The following SLCO1B3 variants were observed in gnomAD, a reference collection of about 807,000 sequenced individuals.
SLCO1B3 encodes solute carrier organic anion transporter family member 1B3.
In SLCO1B3, 72 loss-of-function variants were observed where a neutral mutation model predicts 71.8. The observed-to-expected ratio is 1.00, with a 90% CI of 0.83 to 1.22. SLCO1B3 has a LOEUF of 1.22. SLCO1B3 is among the 50% of genes most tolerant of loss of function. The pLI is 0.00. For missense variants in SLCO1B3, 911 were observed against 819.7 expected (o/e 1.11, Z -1.36); for synonymous variants, 298 against 278.4 (o/e 1.07, Z -0.70).
chr12:20,837,771 A>T (rs1591753571), intron 3 of SLCO1B3, among the ~76,000 whole-genome samples: 1 of 152,188 alleles, frequency 6.6e-6, no homozygotes, highest in African/African-American at 2.4e-5. Flanking sequence ...GAGCTTAAGA[A>T]TGTCTATTCT....
intron 13 of SLCO1B3, among the ~76,000 whole-genome samples, chr12:20,885,930 G>C (rs1309697184): frequency 2.0e-5 from 3 of 152,114 alleles, no homozygotes; most frequent in Admixed American, 2.0e-4. Context: ...TGTGTTTTTG[G>C]AAGACAAGAA....
chr12:20,872,480 A>G (rs1259503464), intron 8 of SLCO1B3, among the ~76,000 whole-genome samples: 1 of 151,892 alleles, frequency 6.6e-6, no homozygotes, highest in Admixed American at 6.6e-5. Context: ...TTTTTCCACC[A>G]CTTCTCTTAA....
In SLCO1B3 at chr12:20,830,230, G is replaced by A. The variant is rs552929367; in HGVS notation, c.84+14408G>A. Reference sequence around the variant, plus strand: ...ATCTCCACTAAGAGTCCTTCCCTTGGTCACCAATTTACAAATTTGTAAATC... The same window carrying A: ...ATCTCCACTAAGAGTCCTTCCCTTGATCACCAATTTACAAATTTGTAAATC... On this transcript the variant is annotated intron_variant, in intron 3 of 15. Coordinates refer to ENST00000381545, the MANE Select transcript of SLCO1B3 (RefSeq NM_019844.4). 2.0e-5 allele frequency among the ~76,000 whole-genome samples: 3 copies of A among 152,218 alleles called. No homozygotes were observed. The South Asian group carries it at 6.2e-4, about 32-fold the overall frequency.
chr12:20,856,723 C>T (rs1865147317), intron 4 of SLCO1B3, among the ~76,000 whole-genome samples: 1 of 152,128 alleles, frequency 6.6e-6, no homozygotes, highest in Non-Finnish European at 1.5e-5. Context: ...CCACATCCGG[C>T]TAATTTTCGT....
intron 15 of SLCO1B3, among the ~76,000 whole-genome samples, chr12:20,904,869 G>A (rs1866209047): frequency 1.5e-5 from 2 of 135,810 alleles, no homozygotes; most frequent in Admixed American, 8.5e-5. Flanking sequence ...CGCCTCCTGG[G>A]TTCAATCAAT....
At chr12:20,864,785 GTGAACTTATGATAAAGTATACTT>G (rs1865340139) in intron 8 of SLCO1B3, among the ~76,000 whole-genome samples, 1 of 152,136 alleles carries the variant, frequency 6.6e-6, no homozygotes, top group South Asian at 2.1e-4. Flanking sequence ...GAAGCATGAA[GTGAACTTATGATAAAGTATACTT>G]TGGTAAATTT....
intron 12 of SLCO1B3, among the ~76,000 whole-genome samples, chr12:20,882,748 G>A (rs1232893404): frequency 1.3e-5 from 2 of 152,084 alleles, no homozygotes; most frequent in Non-Finnish European, 2.9e-5. Flanking sequence ...TTCAGCAGTA[G>A]TAGGTTCAAG....
chr12:20,838,979 T>C lies in SLCO1B3; in HGVS notation c.85-16049T>C, dbSNP rs1485007173. On this transcript the variant is annotated intron_variant, in intron 3 of 15. Coordinates refer to ENST00000381545, the MANE Select transcript of SLCO1B3 (RefSeq NM_019844.4). ...TGTTATATTTCTTCTTTGACTTATA[T>C]AGTAGTTGCCCTGGTGCTTGTAAGA... Among the ~76,000 whole-genome samples the C allele has an allele frequency of 4.6e-5, 7 of 152,166 alleles. 1 individual carries two copies. The South Asian group carries it at 8.3e-4, about 18-fold the overall frequency.
At chr12:20,851,979 T>G (rs187223447) in intron 3 of SLCO1B3, among the ~76,000 whole-genome samples, 1 of 152,194 alleles carries the variant, frequency 6.6e-6, no homozygotes. Context: ...AGGCAACAGT[T>G]CATTTCTGAA....
chr12:20,907,300 G>A (rs1866265777), intron 15 of SLCO1B3, among the ~76,000 whole-genome samples: 1 of 152,070 alleles, frequency 6.6e-6, no homozygotes, highest in African/African-American at 2.4e-5. Flanking sequence ...TGGAATTACA[G>A]TAAAGCAGCA....
chr12:20,812,332 G>A (rs978461054), intron 1 of SLCO1B3, among the ~76,000 whole-genome samples: 1 of 152,130 alleles, frequency 6.6e-6, no homozygotes, highest in African/African-American at 2.4e-5. Context: ...TGGAAAGTAC[G>A]GGAAATAACA....
At chr12:20,873,716 T>C (rs546901847) in intron 8 of SLCO1B3, among the ~76,000 whole-genome samples, 1 of 152,242 alleles carries the variant, frequency 6.6e-6, no homozygotes, top group South Asian at 2.1e-4. Flanking sequence ...ATCACCTAGG[T>C]ATTAAGTCCC....
chr12:20,813,497 G>GGT (rs1472153281), intron 1 of SLCO1B3, 27 bp from the exon 2 acceptor site: 2 of 152,152 alleles, frequency 1.3e-5, no homozygotes, highest in Non-Finnish European at 2.9e-5. Flanking sequence ...ACTTCACAGT[G>GGT]CATTTATCGC....
chr12:20,827,635 G>A (rs1298744513), intron 3 of SLCO1B3, among the ~76,000 whole-genome samples: 2 of 151,914 alleles, frequency 1.3e-5, no homozygotes, highest in Non-Finnish European at 2.9e-5. Context: ...GCAGTGGCAT[G>A]ATCTCAGTTC....
At chr12:20,864,342 G>A (rs902565646) in intron 8 of SLCO1B3, among the ~76,000 whole-genome samples, 5 of 152,008 alleles carry the variant, frequency 3.3e-5, no homozygotes, top group Non-Finnish European at 7.4e-5. Flanking sequence ...AATCGTGTCT[G>A]TGTTAGCATA....
intron 2 of SLCO1B3, among the ~76,000 whole-genome samples, chr12:20,814,976 C>CTTTTTTTTTTTTTT (rs1297703814): frequency 1.8e-3 from 210 of 116,964 alleles, no homozygotes; most frequent in East Asian, 2.7e-3. Context: ...CTTTTCTTTT[C>CTTTTTTTTTTTTTT]TTTTCTTTTT....
At chr12:20,857,755 A>G (rs1020144012) in intron 4 of SLCO1B3, among the ~76,000 whole-genome samples, 3 of 152,008 alleles carry the variant, frequency 2.0e-5, no homozygotes, top group African/African-American at 7.2e-5. Flanking sequence ...ATTTTCCATC[A>G]GTGTTCAATA....
intron 6 of SLCO1B3, among the ~76,000 whole-genome samples, chr12:20,861,747 A>G (rs199860810): frequency 6.0e-5 from 1 of 16,610 alleles, no homozygotes; most frequent in African/African-American, 7.6e-5. Context: ...GAAGTGGAGG[A>G]AAAAAAATGA....
chr12:20,871,696 C>A (rs1318968454), intron 8 of SLCO1B3, among the ~76,000 whole-genome samples: 1 of 152,110 alleles, frequency 6.6e-6, no homozygotes, highest in Non-Finnish European at 1.5e-5. Flanking sequence ...GACTCTTGTT[C>A]TCTTCCCCTG....
Sources: gnomAD v4.1 joint callset for allele counts (sites outside exome capture counted in the v4.1 genomes callset) on GRCh38, gnomAD v4.1.1 for gene constraint, MANE v1.5 for transcripts, NCBI Gene and HGNC (gene_info 2026-07-23, HGNC 2026-07-21) for gene names.